The following NEK10 variants were observed in gnomAD, a reference collection of about 807,000 sequenced individuals.
NEK10 encodes NIMA related kinase 10, also known as serine/threonine-protein kinase Nek10.
NEK10 carries 122 observed loss-of-function variants against 159.8 expected under a neutral mutation model. That is an observed-to-expected ratio of 0.76 (90% CI 0.66 to 0.89). The LOEUF (loss-of-function observed/expected upper bound fraction) is 0.89, where lower values mean the gene tolerates loss of function less well. Ranked by LOEUF, NEK10 falls within the 40% of genes least tolerant of loss-of-function variation. The probability of loss-of-function intolerance (pLI) is 0.00; values close to 1 mark genes in which losing one functional copy is unlikely to be tolerated. For synonymous variants in NEK10, 466 were observed against 457.1 expected (o/e 1.02, Z -0.25); for missense variants, 1,342 against 1,323.1 (o/e 1.01, Z -0.22).
intron 23 of NEK10, 59 bp from the exon 24 acceptor site, chr3:27,202,616 T>C: frequency 7.1e-7 from 1 of 1,407,900 alleles, no homozygotes; most frequent in Non-Finnish European, 9.4e-7. Context: ...CTCAGAAAGA[T>C]CCAATTTTCA....
intron 1 of NEK10, among the ~76,000 whole-genome samples, chr3:27,356,467 G>GT (rs1258289955): frequency 3.3e-5 from 5 of 152,154 alleles, no homozygotes; most frequent in African/African-American, 1.2e-4. Context: ...CCCTCATGGT[G>GT]TTACTGCGTT....
At chr3:27,230,193 A>G (rs935682504) in intron 23 of NEK10, among the ~76,000 whole-genome samples, 4 of 152,112 alleles carry the variant, frequency 2.6e-5, no homozygotes, top group Admixed American at 6.5e-5. Context: ...CTTACAAGCC[A>G]GAAGGGATTG....
chr3:27,251,941 A>G (rs1226880526), intron 23 of NEK10, among the ~76,000 whole-genome samples: 3 of 152,196 alleles, frequency 2.0e-5, no homozygotes, highest in Non-Finnish European at 4.4e-5. Flanking sequence ...AATGAAAAGC[A>G]TTTTCTTCAG....
intron 1 of NEK10, among the ~76,000 whole-genome samples, chr3:27,367,255 G>A (rs2049165108): frequency 2.0e-5 from 3 of 152,170 alleles, no homozygotes; most frequent in African/African-American, 7.2e-5. Context: ...TCTGACTAGA[G>A]GCTAAGTAAT....
At chr3:27,265,997 C>T (rs1305611324) in intron 22 of NEK10, among the ~76,000 whole-genome samples, 1 of 151,912 alleles carries the variant, frequency 6.6e-6, no homozygotes, top group Non-Finnish European at 1.5e-5. Flanking sequence ...TTAGTAAAGA[C>T]GGGGTTTCAC....
At chr3:27,282,942 A>T (rs926210001) in intron 22 of NEK10, among the ~76,000 whole-genome samples, 1 of 152,020 alleles carries the variant, frequency 6.6e-6, no homozygotes, top group Admixed American at 6.6e-5. Context: ...GATTAAGCAA[A>T]TGTGTGTCCA....
chr3:27,173,310 C>G (rs1483943895), intron 28 of NEK10, among the ~76,000 whole-genome samples: 1 of 152,172 alleles, frequency 6.6e-6, no homozygotes, highest in Non-Finnish European at 1.5e-5. Context: ...CCTACCTCCC[C>G]ACTAACCCTC....
intron 25 of NEK10, among the ~76,000 whole-genome samples, chr3:27,197,532 G>C (rs956186806): frequency 4.6e-5 from 7 of 152,160 alleles, no homozygotes; most frequent in African/African-American, 1.7e-4. Context: ...AGGTAGGCCT[G>C]TCTTCAGAGC....
rs116153346 is a variant in NEK10, at chr3:27,269,368, A to C, written c.2015-12997T>G. Among the ~76,000 whole-genome samples, 725 of 152,318 alleles carry C rather than the reference A, an allele frequency of 4.8e-3. 12 individuals carry two copies. The highest frequency in any genetic ancestry group is 0.017 in the African/African-American group (693 of 41,580). ...GAAAAGAAGAGACAATCTCTGCAGC[A>C]AACTTCACTGTTGTCTCATTTTATT... On this transcript the variant is annotated intron_variant, in intron 22 of 35. Coordinates refer to ENST00000691995, the MANE Select transcript of NEK10 (RefSeq NM_001394966.1).
At chr3:27,270,927 T>A (rs1300199892) in intron 22 of NEK10, among the ~76,000 whole-genome samples, 1 of 152,190 alleles carries the variant, frequency 6.6e-6, no homozygotes, top group Non-Finnish European at 1.5e-5. Flanking sequence ...TTTATTTAAT[T>A]CTTAACATAT....
chr3:27,335,773 TAAAG>T (rs1214112503), intron 5 of NEK10, among the ~76,000 whole-genome samples: 2 of 152,086 alleles, frequency 1.3e-5, no homozygotes, highest in African/African-American at 4.8e-5. Context: ...ATTGAGTCAA[TAAAG>T]AAACTAAAAT....
At chr3:27,166,238 G>T (rs1002728624) in intron 29 of NEK10, among the ~76,000 whole-genome samples, 4 of 152,186 alleles carry the variant, frequency 2.6e-5, no homozygotes, top group Non-Finnish European at 5.9e-5. Context: ...TGTTAATAGA[G>T]TTGGTATCAT....
chr3:27,283,984 G>A (rs937991284), intron 22 of NEK10, among the ~76,000 whole-genome samples: 1 of 152,174 alleles, frequency 6.6e-6, no homozygotes, highest in Non-Finnish European at 1.5e-5. Flanking sequence ...TATTCTAAGA[G>A]TACTTCATTC....
At chr3:27,315,567 G>A (rs2045091839) in intron 6 of NEK10, among the ~76,000 whole-genome samples, 1 of 151,378 alleles carries the variant, frequency 6.6e-6, no homozygotes, top group African/African-American at 2.5e-5. Context: ...TATGGTAGGA[G>A]GTTTTGTACA....
chr3:27,331,262 A>AAAAAAAAAAAAACAC lies in NEK10; in HGVS notation c.363-9002_363-9001insGTGTTTTTTTTTTTT. On this transcript the variant is annotated intron_variant, in intron 5 of 35. Transcript: ENST00000691995. ...CAAAAAAAAAAAAACAAAAAAAAAA[A>AAAAAAAAAAAAACAC]ACACACAAACCTAAGACTTTTGAGG... Among the ~76,000 whole-genome samples, 41 of 110,134 alleles carry AAAAAAAAAAAAACAC rather than the reference A, an allele frequency of 3.7e-4. 1 individual carries two copies. Among genetic ancestry groups the AAAAAAAAAAAAACAC allele is most frequent in the Non-Finnish European group, 6.3e-4 (32 of 51,054 alleles). The allele number at this position is 110,134 out of a possible 152,430, so 72.3% of individuals were successfully genotyped here.
At chr3:27,209,529 CA>C in intron 23 of NEK10, among the ~76,000 whole-genome samples, 1 of 152,322 alleles carries the variant, frequency 6.6e-6, no homozygotes, top group Middle Eastern at 3.4e-3. Flanking sequence ...AAAATATAAG[CA>C]GCAGCTTAAA....
At chr3:27,320,000 T>C (rs1042475655) in intron 6 of NEK10, among the ~76,000 whole-genome samples, 4 of 152,220 alleles carry the variant, frequency 2.6e-5, no homozygotes, top group East Asian at 1.9e-4. Flanking sequence ...AAGTCGCAAG[T>C]TGTAGTAAAC....
intron 22 of NEK10, among the ~76,000 whole-genome samples, chr3:27,274,674 C>T (rs955389125): frequency 6.6e-6 from 1 of 152,014 alleles, no homozygotes; most frequent in Admixed American, 6.6e-5. Flanking sequence ...TGCACACACA[C>T]ACATACTGTG....
intron 23 of NEK10, among the ~76,000 whole-genome samples, chr3:27,211,235 T>C (rs749074482): frequency 6.6e-6 from 1 of 152,174 alleles, no homozygotes; most frequent in Non-Finnish European, 1.5e-5. Context: ...AATCTGTTCA[T>C]GAGATAATAA....
Sources: allele counts gnomAD v4.1 joint callset (sites outside exome capture counted in the v4.1 genomes callset), GRCh38; gene constraint gnomAD v4.1.1; transcripts MANE v1.5; gene names NCBI Gene and HGNC (gene_info 2026-07-23, HGNC 2026-07-21).